Variants in MAPK7 observed in about 807,000 individuals in gnomAD.
MAPK7 encodes the protein mitogen-activated protein kinase 7.
Under a neutral mutation model 56.9 loss-of-function variants are expected in MAPK7, and 30 were observed. The observed-to-expected ratio is 0.53, with a 90% CI of 0.39 to 0.72. The LOEUF is 0.72. MAPK7 is among the 30% of genes least tolerant of loss of function. MAPK7 has a pLI of 0.00. For missense variants in MAPK7, 952 were observed against 1,110.8 expected, an observed-to-expected ratio of 0.86 and a Z score of 2.03; for synonymous variants, 516 against 449.3, an observed-to-expected ratio of 1.15 and a Z score of -1.88.
At position 19,378,843 on chromosome 17, in the gene MAPK7, G is replaced by A; in HGVS notation, c.-5-53G>A. On this transcript the variant is annotated intron_variant, in intron 1 of 6. Transcript: ENST00000395604. The surrounding 1 kb of genome is among the most constrained non-coding windows in gnomAD (Gnocchi z 5.4). ...GGTCCTGCTCCCCAGCCCGCAGAGG[G>A]GACACTGAGGCCCACGGTAGGTGGT... 1 of 1,444,622 alleles carries A rather than the reference G, an allele frequency of 6.9e-7. No homozygotes were observed. Among genetic ancestry groups the A allele is most frequent in the Non-Finnish European group, 9.4e-7 (1 of 1,060,052 alleles). 89.5% of individuals were successfully genotyped at this position (1,444,622 alleles called of 1,614,324 possible). A position where few individuals can be genotyped will look rare whatever the true frequency, so the allele number is the denominator to read the frequency against.
In MAPK7 at chr17:19,380,099, A is replaced by G. The variant is rs1912520345; in HGVS notation, c.398+152A>G. Reference sequence around the variant, plus strand: ...AGGACCAGTTCTTTAGAGTTTTGCCAGGGACAACTGTTATTCCTCAAGAAG... The same window carrying G: ...AGGACCAGTTCTTTAGAGTTTTGCCGGGGACAACTGTTATTCCTCAAGAAG... On this transcript the variant is annotated intron_variant, in intron 3 of 6. Coordinates refer to ENST00000395604, the MANE Select transcript of MAPK7 (RefSeq NM_002749.4). 12 of 778,632 alleles carry G rather than the reference A, an allele frequency of 1.5e-5. No individual in the cohort carries two copies. In the South Asian group the frequency reaches 1.6e-4, roughly 11 times the overall value. The allele number at this position is 778,632 out of a possible 1,614,324, so 48.2% of individuals were successfully genotyped here.
chr17:19,378,289 G>C (rs923743239), upstream of MAPK7: 1 of 986,674 alleles, frequency 1.0e-6, no homozygotes. This position sits in a 1 kb window ranked among gnomAD's most constrained non-coding sequence, Gnocchi z 5.4. Context: ...AGGGCGGGGA[G>C]CACACCCCTG....
Position 19,382,480 on chromosome 17 carries a change from C to A in MAPK7, c.2163+14C>A. The A allele has an allele frequency of 6.4e-7, 1 of 1,567,414 alleles. No individual in the cohort carries two copies. ...TCTAAGTCACAGGTGAGAGGGAGGC[C>A]CAGGCCATGGGGACACCTGGGTCTG... On this transcript the variant is annotated intron_variant, in intron 5 of 6. Transcript: ENST00000395604.
Position 19,383,075 on chromosome 17 carries a change from C to T in MAPK7, c.2298-3C>T. ...AGCACCCCTCCCTTTCCTTCCCCTGCAGCCAGGCAGATTCAGCCTCTCTCT... is the reference window on the plus strand; with the variant it reads ...AGCACCCCTCCCTTTCCTTCCCCTGTAGCCAGGCAGATTCAGCCTCTCTCT... On this transcript the variant is annotated splice_polypyrimidine_tract_variant and splice_region_variant and intron_variant, in intron 6 of 6. Coordinates refer to ENST00000395604, the MANE Select transcript of MAPK7 (RefSeq NM_002749.4). 2.5e-6 allele frequency: 4 copies of T among 1,613,956 alleles called. No homozygotes were observed. The highest frequency in any genetic ancestry group is 3.4e-6 in the Non-Finnish European group (4 of 1,179,872).
In MAPK7 at chr17:19,379,792, G is replaced by A. The variant is rs202099930; in HGVS notation, c.243G>A (p.Val81=). 2.5e-6 allele frequency: 4 copies of A among 1,614,080 alleles called. No individual in the cohort carries two copies. Among genetic ancestry groups the A allele is most frequent in the Middle Eastern group, 1.7e-4 (1 of 6,060 alleles). The change falls in exon 3 of 7, where the codon GTG becomes GTA. Residue 81 remains valine (V), a synonymous_variant. Coordinates refer to ENST00000395604, the MANE Select transcript of MAPK7 (RefSeq NM_002749.4). ...TTCCCTGCTCCTCAGGCCAGCAGGT[G>A]GCCATCAAGAAGATCCCTAATGCTT... ...SARRRLTGQQ[V]AIKKIPNAFD...
Position 19,381,593 on chromosome 17 carries a change from C to T in MAPK7, c.1384C>T (p.Pro462Ser). The T allele has an allele frequency of 6.2e-7, 1 of 1,613,936 alleles. No individual in the cohort carries two copies. The highest frequency in any genetic ancestry group is 8.5e-7 in the Non-Finnish European group (1 of 1,180,022). ...GCAGCCACCTCCACCAGTCAGTGAG[C>T]CTGCCCCACCAAAGAAAGATGGTGC... ...TLQPPPPVSE[P>S]APPKKDGAIS... Residue 462 changes from proline to serine, a missense_variant, in exon 4 of 7, where the codon CCT (proline) becomes TCT (serine). Physicochemically the swap from Pro to Ser is moderately conservative, Grantham distance 74. Coordinates refer to ENST00000395604, the MANE Select transcript of MAPK7 (RefSeq NM_002749.4). This position sits in a 1 kb window ranked among gnomAD's most constrained non-coding sequence, Gnocchi z 4.6.
At chr17:19,379,244 C>A in intron 2 of MAPK7, 112 bp downstream of exon 2, 1 of 929,604 alleles carries the variant, frequency 1.1e-6, no homozygotes, top group Non-Finnish European at 1.6e-6. Flanking sequence ...TGGCTCCAGT[C>A]AACACACACT....
rs977727265 is a variant in MAPK7 at position 19,383,151 on chromosome 17, G to A, written c.2371G>A (p.Asp791Asn). The A allele has an allele frequency of 7.4e-6, 12 of 1,614,062 alleles. No homozygotes were observed. The Admixed American group carries it at 8.3e-5, about 11-fold the overall frequency. ...WLEGHGMNPA[D>N]IESLQREIQM... Reference sequence around the variant, plus strand: ...CGAAGGCCATGGCATGAACCCTGCCGATATTGAGTCCCTGCAGCGTGAGAT... The same window carrying A: ...CGAAGGCCATGGCATGAACCCTGCCAATATTGAGTCCCTGCAGCGTGAGAT... Residue 791 changes from aspartate to asparagine, a missense_variant, in exon 7 of 7, where the codon GAT becomes AAT. Coordinates refer to ENST00000395604, the MANE Select transcript of MAPK7 (RefSeq NM_002749.4).
At chr17:19,379,729 T>G in intron 2 of MAPK7, 53 bp from the exon 3 acceptor site, 1 of 1,571,680 alleles carries the variant, frequency 6.4e-7, no homozygotes, top group Non-Finnish European at 8.7e-7. Flanking sequence ...CTGAGTCGAC[T>G]CTGCAGTTTC....
chr17:19,382,599 A>G, intron 5 of MAPK7, 133 bp downstream of exon 5: 3 of 1,484,276 alleles, frequency 2.0e-6, no homozygotes, highest in Non-Finnish European at 2.7e-6. Flanking sequence ...TCTTGCTCAC[A>G]GAAGGAGCAT....
Position 19,381,508 on chromosome 17 carries a change from T to C in MAPK7, c.1299T>C (p.Ser433=). The change falls in exon 4 of 7, where the codon TCT becomes TCC. Residue 433 remains serine, a synonymous_variant. Transcript: ENST00000395604. This position sits in a 1 kb window ranked among gnomAD's most constrained non-coding sequence, Gnocchi z 4.6. ...WAPSGDCAME[S]PPPAPPPCPG... ...CCAGTGGGGACTGTGCCATGGAGTC[T>C]CCACCACCAGCCCCGCCACCATGCC... The C allele has an allele frequency of 1.2e-6, 2 of 1,613,628 alleles. No individual in the cohort carries two copies.
At position 19,378,781 on chromosome 17, in the gene MAPK7, T is replaced by C; in HGVS notation, c.-5-115T>C. 3.1e-6 allele frequency: 4 copies of C among 1,292,482 alleles called. No individual in the cohort carries two copies. The highest frequency in any genetic ancestry group is 4.2e-6 in the Non-Finnish European group (4 of 963,212). The allele number at this position is 1,292,482 out of a possible 1,614,324, so 80.1% of individuals were successfully genotyped here. ...GTCTGCCACGAACCAGCCGCGCGCT[T>C]CTGCCCTTGTCGGTTTAGGAAACTG... On this transcript the variant is annotated intron_variant, in intron 1 of 6. Transcript: ENST00000395604. This position sits in a 1 kb window ranked among gnomAD's most constrained non-coding sequence, Gnocchi z 5.4.
rs755768624 is a variant in MAPK7, at chr17:19,383,249, T to G, written c.*18T>G. On this transcript the variant is annotated 3_prime_UTR_variant, in exon 7 of 7. Coordinates refer to ENST00000395604, the MANE Select transcript of MAPK7 (RefSeq NM_002749.4). ...ACCCCTGAGGCCCCCAGCCTGTGCC[T>G]TGCTGCCACAGTAGACCTAGTTCCA... 5.6e-6 allele frequency: 9 copies of G among 1,613,000 alleles called. No individual in the cohort carries two copies. Among genetic ancestry groups the G allele is most frequent in the Non-Finnish European group, 7.6e-6 (9 of 1,179,338 alleles).
In MAPK7 at chr17:19,383,327, C is replaced by T; in HGVS notation, c.*96C>T. ...TTAGCCCTGGACCCAGCAGGTGAGGCTCGGCTTGGATTATTCTGCAGGTTC... is the reference window on the plus strand; with the variant it reads ...TTAGCCCTGGACCCAGCAGGTGAGGTTCGGCTTGGATTATTCTGCAGGTTC... On this transcript the variant is annotated 3_prime_UTR_variant, in exon 7 of 7. Coordinates refer to ENST00000395604, the MANE Select transcript of MAPK7 (RefSeq NM_002749.4). 7.2e-7 allele frequency: 1 copy of T among 1,391,358 alleles called. No individual in the cohort carries two copies. 86.2% of individuals were successfully genotyped at this position (1,391,358 alleles called of 1,614,324 possible).
chr17:19,378,468 C>T, upstream of MAPK7: 1 of 1,031,114 alleles, frequency 9.7e-7, no homozygotes, highest in Non-Finnish European at 1.2e-6. The surrounding 1 kb of genome is among the most constrained non-coding windows in gnomAD (Gnocchi z 5.4). Flanking sequence ...GGGAGCGTGG[C>T]CTTGGGAGGC....
chr17:19,378,343 G>A, upstream of MAPK7: 4 of 989,100 alleles, frequency 4.0e-6, no homozygotes, highest in Non-Finnish European at 4.8e-6. This position sits in a 1 kb window ranked among gnomAD's most constrained non-coding sequence, Gnocchi z 5.4. Context: ...CGGCGAGCTG[G>A]ACAGCGGCGC....
At chr17:19,378,001 A>AC, upstream of MAPK7, 1 of 985,208 alleles carries the variant, frequency 1.0e-6, no homozygotes, top group Non-Finnish European at 1.2e-6. The surrounding 1 kb of genome is among the most constrained non-coding windows in gnomAD (Gnocchi z 5.4). Flanking sequence ...CGTGACGGGC[A>AC]CCCTCTACCG....
chr17:19,382,742 G>T (rs760386059), intron 5 of MAPK7, 71 bp from the exon 6 acceptor site: 98 of 1,572,818 alleles, frequency 6.2e-5, no homozygotes, highest in Non-Finnish European at 8.3e-5. Context: ...AGGCGGAGTA[G>T]TCAGCAGCAT....
chr17:19,379,921 C>T lies in MAPK7; in HGVS notation c.372C>T (p.Thr124=), dbSNP rs375651526. ...IIAIKDILRP[T]VPYGEFKSVY... ...CCATCAAGGACATCCTGAGGCCCAC[C>T]GTGCCCTATGGCGAATTCAAATCTG... The change falls in exon 3 of 7, where the codon ACC becomes ACT. Residue 124 remains threonine, a synonymous_variant. Transcript: ENST00000395604. The T allele has an allele frequency of 6.3e-5, 101 of 1,614,050 alleles. No individual in the cohort carries two copies. The highest frequency in any genetic ancestry group is 7.5e-5 in the Non-Finnish European group (89 of 1,180,024).
Sources: gnomAD v4.1 joint callset for allele counts on GRCh38, gnomAD v4.1.1 for gene constraint, Gnocchi (gnomAD v3.1) non-coding constraint, MANE v1.5 for transcripts, NCBI Gene and HGNC (gene_info 2026-07-23, HGNC 2026-07-21) for gene names.